Variants in RANGAP1 observed in about 807,000 individuals in gnomAD.
The protein encoded by RANGAP1 is ran GTPase-activating protein 1.
RANGAP1 carries 38 observed loss-of-function variants against 63.5 expected under a neutral mutation model. The ratio of observed to expected loss-of-function variants is 0.60; its 90% CI spans 0.46 to 0.78. The LOEUF is 0.78. Among genes scored for constraint, RANGAP1 ranks in the 30% least tolerant of loss-of-function variants. The pLI, the probability that RANGAP1 is intolerant of heterozygous loss-of-function variation, is 0.00. For synonymous variants in RANGAP1, 329 were observed against 310.5 expected (o/e 1.06, Z -0.63); for missense variants, 630 against 740.3 (o/e 0.85, Z 1.73).
chr22:41,295,646 T>C, the RANGAP1 span, among the ~76,000 whole-genome samples: 5 of 147,740 alleles, frequency 3.4e-5, no homozygotes, highest in Non-Finnish European at 7.5e-5. Context: ...ACTATTGTCC[T>C]GTGACCCTGC....
rs1390287514 is a variant in RANGAP1 at position 41,245,221 on chromosome 22, C to A, written c.*1382G>T. On this transcript the variant is annotated 3_prime_UTR_variant, in exon 16 of 16. Transcript: ENST00000356244. The stretch of plus-strand genomic sequence containing the variant: ...CCTCTAAGAAACCTTGGAGGGACTT[C>A]TTGGAGGCCGTTTGTGGGGGACATG... Among the ~76,000 whole-genome samples, 1 of 152,196 alleles carries A rather than the reference C, an allele frequency of 6.6e-6. No homozygotes were observed. Among genetic ancestry groups the A allele is most frequent in the African/African-American group, 2.4e-5 (1 of 41,448 alleles).
Position 41,252,924 on chromosome 22 carries a change from GGA to G in RANGAP1, c.1326_1327del (p.Pro443ArgfsTer19). On this transcript the variant is annotated frameshift_variant, in exon 12 of 16. Transcript: ENST00000356244. LOFTEE classifies it high-confidence loss of function. ...GGGCCCTAGGCGCAGCAGCTTCTCT[GGA>G]GAGGGAAAAGCCAGGAAGGTGGAGA... is the stretch of plus-strand genomic sequence containing the variant. 6.4e-7 allele frequency: 1 copy of G among 1,565,828 alleles called. No homozygotes were observed. The highest frequency in any genetic ancestry group is 8.6e-7 in the Non-Finnish European group (1 of 1,159,102).
At chr22:41,251,622 T>C (rs2145687175) in intron 12 of RANGAP1, among the ~76,000 whole-genome samples, 1 of 144,974 alleles carries the variant, frequency 6.9e-6, no homozygotes, top group East Asian at 2.0e-4. Flanking sequence ...CAAAACATTG[T>C]CTCAGAAAAA....
chr22:41,261,073 T>C (rs537264508), intron 6 of RANGAP1, among the ~76,000 whole-genome samples: 17 of 152,272 alleles, frequency 1.1e-4, no homozygotes, highest in African/African-American at 3.8e-4. Flanking sequence ...GTCTGGTATG[T>C]TCCTTCTCTG....
intron 2 of RANGAP1, 23 bp downstream of exon 2, chr22:41,280,890 CTCCTCCCCTGGACACACCAG>C: frequency 6.2e-7 from 1 of 1,612,318 alleles, no homozygotes. Flanking sequence ...TACACTCCCT[CTCCTCCCCTGGACACACCAG>C]TGCACAACTT....
In RANGAP1 at chr22:41,246,789, G is replaced by C. The variant is rs576810894; in HGVS notation, c.1695-117C>G. 4 of 976,682 alleles carry C rather than the reference G, an allele frequency of 4.1e-6. No homozygotes were observed. The East Asian group carries it at 8.1e-5, about 20-fold the overall frequency. 60.5% of individuals were successfully genotyped at this position (976,682 alleles called of 1,614,324 possible). Reference sequence around the variant, plus strand: ...TAATTTGCACAACGACTCAGCAAGAGAGACATTAGCCCTCTGCCTTCTGCA... The same window carrying C: ...TAATTTGCACAACGACTCAGCAAGACAGACATTAGCCCTCTGCCTTCTGCA... On this transcript the variant is annotated intron_variant, in intron 15 of 15. Transcript: ENST00000356244.
At chr22:41,275,908 A>C (rs1012036911) in intron 2 of RANGAP1, among the ~76,000 whole-genome samples, 11 of 151,826 alleles carry the variant, frequency 7.2e-5, no homozygotes, top group Non-Finnish European at 1.5e-4. Flanking sequence ...ATCATGCCAT[A>C]GCACTCCAGC....
intron 6 of RANGAP1, among the ~76,000 whole-genome samples, chr22:41,258,599 C>T (rs2033983545): frequency 6.6e-6 from 1 of 152,230 alleles, no homozygotes; most frequent in African/African-American, 2.4e-5. Flanking sequence ...AGCCCTATCA[C>T]AGCCTGGCCT....
chr22:41,283,221 G>C (rs1300559489), intron 1 of RANGAP1, among the ~76,000 whole-genome samples: 1 of 129,182 alleles, frequency 7.7e-6, no homozygotes, highest in Non-Finnish European at 1.8e-5. Context: ...AAAAGGGGGG[G>C]GTTGGGGGGC....
intron 1 of RANGAP1, 189 bp from the exon 2 acceptor site, chr22:41,281,271 T>A: frequency 2.5e-6 from 2 of 803,136 alleles, no homozygotes; most frequent in South Asian, 3.2e-5. Context: ...CAGGAGGTAG[T>A]AAAAGAACAG....
chr22:41,278,091 C>T (rs2035265223), intron 2 of RANGAP1, among the ~76,000 whole-genome samples: 1 of 147,248 alleles, frequency 6.8e-6, no homozygotes, highest in African/African-American at 2.5e-5. Context: ...GGCTGGAGTA[C>T]AGTGGTGCCA....
chr22:41,284,044 C>G (rs544156482), intron 1 of RANGAP1, among the ~76,000 whole-genome samples: 14 of 151,606 alleles, frequency 9.2e-5, no homozygotes, highest in Admixed American at 7.2e-4. Context: ...GTCAGGAGAT[C>G]GAGACCATCC....
chr22:41,265,202 T>A (rs1379807552), intron 4 of RANGAP1, among the ~76,000 whole-genome samples: 1 of 152,262 alleles, frequency 6.6e-6, no homozygotes, highest in South Asian at 2.1e-4. Context: ...GGAGGAAAGC[T>A]GTGGGTAGGC....
chr22:41,285,665 C>A (rs1354371129), intron 1 of RANGAP1: 5 of 985,266 alleles, frequency 5.1e-6, no homozygotes, highest in Non-Finnish European at 4.8e-6. Flanking sequence ...GGCGCAGGAG[C>A]CCCATCTGGA....
the RANGAP1 span, among the ~76,000 whole-genome samples, chr22:41,299,354 G>A: frequency 1.2e-4 from 19 of 152,008 alleles, no homozygotes; most frequent in African/African-American, 2.2e-4. Flanking sequence ...GGATGGTCTC[G>A]ATCTCCTGAC....
chr22:41,275,027 A>G (rs2035055406), intron 2 of RANGAP1, among the ~76,000 whole-genome samples: 2 of 152,056 alleles, frequency 1.3e-5, no homozygotes, highest in African/African-American at 4.8e-5. Context: ...TGGAGCCTCC[A>G]AAGATGGGCA....
rs961624506 is a variant in RANGAP1 at position 41,249,925 on chromosome 22, C to T, written c.1484-108G>A. 40 of 950,092 alleles carry T rather than the reference C, an allele frequency of 4.2e-5. No homozygotes were observed. The African/African-American group carries it at 4.7e-4, about 11-fold the overall frequency. 58.9% of individuals were successfully genotyped at this position (950,092 alleles called of 1,614,324 possible). On this transcript the variant is annotated intron_variant, in intron 13 of 15. Coordinates refer to ENST00000356244, the MANE Select transcript of RANGAP1 (RefSeq NM_002883.4). ...GCAGACACAGGCTCGCCTGCCTCCT[C>T]GCCCTGACGAAGAGGCGAACACGAG...
At chr22:41,294,036 T>TTCTCCCTCTCCCTCTCCCTCTCCC in the RANGAP1 span, among the ~76,000 whole-genome samples, 1 of 151,042 alleles carries the variant, frequency 6.6e-6, no homozygotes, top group Non-Finnish European at 1.5e-5. Flanking sequence ...CTCCCTCTCC[T>TTCTCCCTCTCCCTCTCCCTCTCCC]TCTCCCTCTC....
intron 3 of RANGAP1, among the ~76,000 whole-genome samples, chr22:41,269,749 A>G (rs898824743): frequency 1.3e-5 from 2 of 152,060 alleles, no homozygotes; most frequent in African/African-American, 4.8e-5. Flanking sequence ...CAAAAAAAAA[A>G]AAAAAAAGCT....
Sources: allele counts gnomAD v4.1 joint callset (sites outside exome capture counted in the v4.1 genomes callset), GRCh38; gene constraint gnomAD v4.1.1; transcripts MANE v1.5; gene names NCBI Gene and HGNC (gene_info 2026-07-23, HGNC 2026-07-21).